The following PLCD1 variants were observed in gnomAD, a reference collection of about 807,000 sequenced individuals.
The protein encoded by PLCD1 is phospholipase C delta 1.
Under a neutral mutation model 87.4 loss-of-function variants are expected in PLCD1, and 71 were observed. The observed-to-expected ratio is 0.81, with a 90% CI of 0.67 to 0.99. The LOEUF (loss-of-function observed/expected upper bound fraction) is 0.99, where lower values mean the gene tolerates loss of function less well. PLCD1 is among the 50% of genes least tolerant of loss of function. The probability of loss-of-function intolerance (pLI) is 0.00; values close to 1 mark genes in which losing one functional copy is unlikely to be tolerated. For synonymous variants in PLCD1, 348 were observed against 399.2 expected (o/e 0.87, Z 1.53); for missense variants, 867 against 1,001.5 (o/e 0.87, Z 1.81).
At chr3:38,009,226 TTC>T (rs751540311) in intron 10 of PLCD1, 44 bp downstream of exon 10, 8 of 1,613,210 alleles carry the variant, frequency 5.0e-6, no homozygotes, top group Non-Finnish European at 6.8e-6. Context: ...GCCCTGCCAA[TTC>T]TCTCTGTAAC....
chr3:38,020,122 T>C, intron 2 of PLCD1, 66 bp downstream of exon 2: 1 of 1,427,094 alleles, frequency 7.0e-7, no homozygotes, highest in Non-Finnish European at 9.9e-7. Context: ...GACTGACCTT[T>C]GTATTTACCC....
rs991783762 is a variant in PLCD1 at position 38,017,780 on chromosome 3, C to A, written c.200-1061G>T. ...CTCTGAGTGCCCAGGGGCCTCCTAG[C>A]CACCTGCAGGGCCCACAGATGTAAC... On this transcript the variant is annotated intron_variant, in intron 2 of 14. Coordinates refer to ENST00000334661, the MANE Select transcript of PLCD1 (RefSeq NM_006225.4). This position sits in a 1 kb window ranked among gnomAD's most constrained non-coding sequence, Gnocchi z 4.7. Among the ~76,000 whole-genome samples the A allele has an allele frequency of 3.9e-5, 6 of 152,198 alleles. No individual in the cohort carries two copies. Among genetic ancestry groups the A allele is most frequent in the Non-Finnish European group, 7.4e-5 (5 of 68,020 alleles).
In PLCD1 at chr3:38,010,511, G is replaced by A. The variant is rs1042615562; in HGVS notation, c.842C>T (p.Ser281Leu). Reference protein sequence around the residue: ...TKDGFLMYLLSADGSAFSLAH... With the variant: ...TKDGFLMYLLLADGSAFSLAH... ...CAGGCTGAAGGCGCTGCCGTCAGCC[G>A]ACAGTAAGTACATGAGGAAGCCGTC... Residue 281 changes from serine (S) to leucine (L), a missense_variant, in exon 6 of 15, where the codon TCG becomes TTG. Coordinates refer to ENST00000334661, the MANE Select transcript of PLCD1 (RefSeq NM_006225.4). The A allele has an allele frequency of 4.3e-6, 7 of 1,614,122 alleles. No homozygotes were observed. The highest frequency in any genetic ancestry group is 4.0e-5 in the African/African-American group (3 of 75,054).
In PLCD1 at chr3:38,010,243, A is replaced by C. The variant is rs893706087; in HGVS notation, c.1025T>G (p.Leu342Arg). The C allele has an allele frequency of 1.9e-6, 3 of 1,614,078 alleles. No individual in the cohort carries two copies. The highest frequency in any genetic ancestry group is 2.5e-6 in the Non-Finnish European group (3 of 1,180,038). The change falls in exon 7 of 15, where the codon CTT becomes CGT. Residue 342 changes from leucine to arginine, a missense_variant. Coordinates refer to ENST00000334661, the MANE Select transcript of PLCD1 (RefSeq NM_006225.4). Reference sequence around the variant, plus strand: ...CTGGTTGGGCCCGTCCCAGCAGTCAAGCTCCAGGCATCGGCAGCCTTTGCA... The same window carrying C: ...CTGGTTGGGCCCGTCCCAGCAGTCACGCTCCAGGCATCGGCAGCCTTTGCA... ...ALCKGCRCLE[L>R]DCWDGPNQEP...
At chr3:38,007,903 C>T (rs1050041003) in intron 14 of PLCD1, 45 bp from the exon 15 acceptor site, 2 of 1,607,942 alleles carry the variant, frequency 1.2e-6, no homozygotes, top group African/African-American at 2.7e-5. Flanking sequence ...GAGTTCTGGT[C>T]ATTCGGCGGC....
At chr3:38,021,144 T>TG (rs1454616591) in intron 1 of PLCD1, among the ~76,000 whole-genome samples, 7 of 152,136 alleles carry the variant, frequency 4.6e-5, no homozygotes, top group Non-Finnish European at 4.4e-5. Flanking sequence ...TTACCCTTGC[T>TG]GTCCCCCCCA....
At chr3:38,024,299 AT>A in intron 1 of PLCD1, 1 of 1,580,796 alleles carries the variant, frequency 6.3e-7, no homozygotes, top group Non-Finnish European at 8.7e-7. Flanking sequence ...CTGCCTTCCC[AT>A]TCCCCCGCAG....
At position 38,011,435 on chromosome 3, in the gene PLCD1, T is replaced by C. The variant is rs769564960; in HGVS notation, c.569A>G (p.His190Arg). Residue 190 changes from histidine (H) to arginine (R), a missense_variant, in exon 5 of 15, where the codon CAC (histidine) becomes CGC (arginine). Coordinates refer to ENST00000334661, the MANE Select transcript of PLCD1 (RefSeq NM_006225.4). ...GTCCTCCAGGGAGTCTGTCTGGGAG[T>C]GGTCACACTCCTGCAGAGCCAGGAC... ...YARKIFRECD[H>R]SQTDSLEDEE... 3.1e-6 allele frequency: 5 copies of C among 1,613,720 alleles called. No homozygotes were observed. In the Admixed American group the frequency reaches 6.7e-5, roughly 22 times the overall value.
chr3:38,028,922 A>AG (rs761257251), intron 1 of PLCD1, among the ~76,000 whole-genome samples: 20 of 152,252 alleles, frequency 1.3e-4, no homozygotes, highest in Non-Finnish European at 2.4e-4. Context: ...GTCGCAGATG[A>AG]GGGGATCGTG....
Position 38,010,242 on chromosome 3 carries a change from A to C in PLCD1, c.1026T>G (p.Leu342=). The stretch of plus-strand genomic sequence containing the variant: ...CCTGGTTGGGCCCGTCCCAGCAGTC[A>C]AGCTCCAGGCATCGGCAGCCTTTGC... ...ALCKGCRCLE[L]DCWDGPNQEP... The change falls in exon 7 of 15, where the codon CTT becomes CTG. Residue 342 remains leucine, a synonymous_variant. Transcript: ENST00000334661. 6.2e-7 allele frequency: 1 copy of C among 1,614,166 alleles called. No homozygotes were observed.
chr3:38,011,921 A>G (rs953277860), intron 3 of PLCD1, among the ~76,000 whole-genome samples: 7 of 152,214 alleles, frequency 4.6e-5, no homozygotes, highest in African/African-American at 1.7e-4. Context: ...CCCACTGTAG[A>G]CAATTTAGAA....
intron 3 of PLCD1, among the ~76,000 whole-genome samples, chr3:38,012,159 C>T (rs1288790383): frequency 1.3e-5 from 2 of 150,734 alleles, no homozygotes; most frequent in Non-Finnish European, 3.0e-5. Context: ...GTGCACCGCA[C>T]CACCACGCCT....
chr3:38,024,364 C>G (rs1381177019), intron 1 of PLCD1: 1 of 1,612,922 alleles, frequency 6.2e-7, no homozygotes, highest in African/African-American at 1.3e-5. Flanking sequence ...AGCGCCGCCA[C>G]CTTAAGGCTC....
At chr3:38,026,810 C>T (rs1431911297) in intron 1 of PLCD1, among the ~76,000 whole-genome samples, 1 of 152,266 alleles carries the variant, frequency 6.6e-6, no homozygotes, top group Non-Finnish European at 1.5e-5. Context: ...TCACAACACC[C>T]ACTGTGAAAT....
chr3:38,024,092 T>C (rs1213077015), intron 1 of PLCD1: 1 of 516,490 alleles, frequency 1.9e-6, no homozygotes. Flanking sequence ...TGACAAGGGA[T>C]GGGGAGCGTT....
In PLCD1 at chr3:38,007,541, C is replaced by T; in HGVS notation, c.*232G>A. On this transcript the variant is annotated 3_prime_UTR_variant, in exon 15 of 15. Transcript: ENST00000334661. ...ATAAAAATCCTTGACCACTCGCTGG[C>T]CGGAGGGTGGAGAGGGCTGCAGTGT... The T allele has an allele frequency of 1.5e-6, 1 of 679,914 alleles. No homozygotes were observed. Among genetic ancestry groups the T allele is most frequent in the South Asian group, 1.5e-5 (1 of 66,290 alleles). 42.1% of individuals were successfully genotyped at this position (679,914 alleles called of 1,614,324 possible). A position where few individuals can be genotyped will look rare whatever the true frequency, so the allele number is the denominator to read the frequency against.
chr3:38,016,564 G>A lies in PLCD1; in HGVS notation c.355C>T (p.Gln119Ter). ...TTGTGCAGCCCCAGCACCCAGTGCTGGGCATCAGCTGGCGATGGGGCGATG... is the reference window on the plus strand; with the variant it reads ...TTGTGCAGCCCCAGCACCCAGTGCTAGGCATCAGCTGGCGATGGGGCGATG... ...DLIAPSPADA[Q>*]HWVLGLHKII... Residue 119 changes from glutamine to a stop codon, truncating the protein, a stop_gained, in exon 3 of 15, where the codon CAG (glutamine) becomes TAG (stop). Transcript: ENST00000334661. LOFTEE classifies it high-confidence loss of function. 1 of 1,614,024 alleles carries A rather than the reference G, an allele frequency of 6.2e-7. No individual in the cohort carries two copies. The highest frequency in any genetic ancestry group is 8.5e-7 in the Non-Finnish European group (1 of 1,179,928).
Position 38,008,308 on chromosome 3 carries a change from G to A in PLCD1, c.1962C>T (p.Pro654=). 1.9e-6 allele frequency: 3 copies of A among 1,614,188 alleles called. No homozygotes were observed. Among genetic ancestry groups the A allele is most frequent in the Non-Finnish European group, 2.5e-6 (3 of 1,180,016 alleles). Residue 654 remains proline, a synonymous_variant, in exon 13 of 15, where the codon CCC becomes CCT. Transcript: ENST00000334661. ...CGCCATGGATCTCCACTGTCACTTTGGGGTCCACAATTGAATTCTTATTCT... is the reference window on the plus strand; with the variant it reads ...CGCCATGGATCTCCACTGTCACTTTAGGGTCCACAATTGAATTCTTATTCT... ...VNKNKNSIVD[P]KVTVEIHGVS...
Position 38,010,479 on chromosome 3 carries a change from G to C in PLCD1, c.874C>G (p.Arg292Gly). The change falls in exon 6 of 15, where the codon CGC becomes GGC. Residue 292 changes from arginine (R) to glycine (G), a missense_variant. Physicochemically the swap from Arg to Gly is moderately radical, Grantham distance 125. Transcript: ENST00000334661. ...ADGSAFSLAHRRVYQDMGQPL... is the reference protein window; with the variant it reads ...ADGSAFSLAHGRVYQDMGQPL... ...TGGCCCATGTCCTGGTAGACACGGC[G>C]GTGTGCCAGGCTGAAGGCGCTGCCG... 6.2e-7 allele frequency: 1 copy of C among 1,614,074 alleles called. No individual in the cohort carries two copies. The highest frequency in any genetic ancestry group is 8.5e-7 in the Non-Finnish European group (1 of 1,179,924).
Sources: gnomAD v4.1 joint callset for allele counts (sites outside exome capture counted in the v4.1 genomes callset) on GRCh38, gnomAD v4.1.1 for gene constraint, Gnocchi (gnomAD v3.1) non-coding constraint, MANE v1.5 for transcripts, NCBI Gene and HGNC (gene_info 2026-07-23, HGNC 2026-07-21) for gene names.